Variants in VPS13C observed in about 807,000 individuals in gnomAD.
VPS13C encodes intermembrane lipid transfer protein VPS13C.
In VPS13C, 358 loss-of-function variants were observed where a neutral mutation model predicts 456.8. That is an observed-to-expected ratio of 0.78 (90% CI 0.72 to 0.86). VPS13C has a LOEUF of 0.86. Among genes scored for constraint, VPS13C ranks in the 40% least tolerant of loss-of-function variants. The pLI, the probability that VPS13C is intolerant of heterozygous loss-of-function variation, is 0.00. For synonymous variants in VPS13C, 1,578 were observed against 1,486.7 expected, an observed-to-expected ratio of 1.06 and a Z score of -1.41; for missense variants, 4,818 against 4,385.4, an observed-to-expected ratio of 1.10 and a Z score of -2.79.
chr15:61,854,827 ATT>A, intron 84 of VPS13C, 42 bp downstream of exon 84: 1 of 1,538,100 alleles, frequency 6.5e-7, no homozygotes, highest in African/African-American at 1.4e-5. Context: ...TTAAAAAAGT[ATT>A]TCAGCTAAAA....
chr15:61,969,283 T>C lies in VPS13C; in HGVS notation c.2911+16A>G. 6.5e-7 allele frequency: 1 copy of C among 1,549,548 alleles called. No homozygotes were observed. Among genetic ancestry groups the C allele is most frequent in the East Asian group, 2.3e-5 (1 of 44,084 alleles). On this transcript the variant is annotated intron_variant, in intron 28 of 84. Coordinates refer to ENST00000644861, the MANE Select transcript of VPS13C (RefSeq NM_020821.3). Reference sequence around the variant, plus strand: ...TCTTTATTATAGGCTATTATTTCTATTTTTATGGGTATTACCTTCAATTTC... The same window carrying C: ...TCTTTATTATAGGCTATTATTTCTACTTTTATGGGTATTACCTTCAATTTC...
chr15:61,997,710 G>A (rs1184581510), intron 16 of VPS13C, among the ~76,000 whole-genome samples: 1 of 152,050 alleles, frequency 6.6e-6, no homozygotes, highest in African/African-American at 2.4e-5. Flanking sequence ...AATACTGGCT[G>A]TACCCTCAAA....
At chr15:61,925,026 A>G (rs753698525) in intron 53 of VPS13C, among the ~76,000 whole-genome samples, 86 of 152,326 alleles carry the variant, frequency 5.6e-4, no homozygotes, top group Non-Finnish European at 5.1e-4. Flanking sequence ...TGTCATTATA[A>G]ATATTTGAAG....
chr15:61,936,590 T>G lies in VPS13C; in HGVS notation c.5755+7A>C, dbSNP rs1461915282. 1 of 1,539,582 alleles carries G rather than the reference T, an allele frequency of 6.5e-7. No individual in the cohort carries two copies. Among genetic ancestry groups the G allele is most frequent in the African/African-American group, 1.4e-5 (1 of 71,640 alleles). Reference sequence around the variant, plus strand: ...TTCTCCATAAAGTAAATATCATCAATTTATACCTTTGAGATGGTCAGGTAC... The same window carrying G: ...TTCTCCATAAAGTAAATATCATCAAGTTATACCTTTGAGATGGTCAGGTAC... On this transcript the variant is annotated splice_region_variant and intron_variant, in intron 48 of 84. Transcript: ENST00000644861.
chr15:61,873,959 T>TACACACACACACACACACAC (rs67985179), intron 77 of VPS13C, among the ~76,000 whole-genome samples: 1 of 149,732 alleles, frequency 6.7e-6, no homozygotes, highest in African/African-American at 2.5e-5. Context: ...GAAAATGTGA[T>TACACACACACACACACACAC]ACACACACAC....
chr15:62,012,515 G>T (rs1360933950), intron 11 of VPS13C, among the ~76,000 whole-genome samples: 1 of 151,824 alleles, frequency 6.6e-6, no homozygotes, highest in South Asian at 2.1e-4. Context: ...AGAAATCAGA[G>T]ATAGAAGATT....
In VPS13C at chr15:62,033,533, T is replaced by C; in HGVS notation, c.293A>G (p.Tyr98Cys). 1 of 1,590,686 alleles carries C rather than the reference T, an allele frequency of 6.3e-7. No homozygotes were observed. The highest frequency in any genetic ancestry group is 8.6e-7 in the Non-Finnish European group (1 of 1,166,302). Residue 98 changes from tyrosine (Y) to cysteine (C), a missense_variant, in exon 5 of 85, where the codon TAT becomes TGT. Around this residue, in one of 3 missense-constraint regions of VPS13C, gnomAD observed 4,552 missense variants for 4,130.6 expected, o/e 1.10. Coordinates refer to ENST00000644861, the MANE Select transcript of VPS13C (RefSeq NM_020821.3). Reference protein sequence around the residue: ...LLVVPGASIKYDAVKEEKSLQ... With the variant: ...LLVVPGASIKCDAVKEEKSLQ... The stretch of plus-strand genomic sequence containing the variant: ...GGATTTTTCTTCTTTTACAGCATCA[T>C]ACTTAATACCTAAAAATATACAGTC...
intron 67 of VPS13C, among the ~76,000 whole-genome samples, chr15:61,888,851 A>G (rs556971914): frequency 8.6e-4 from 131 of 152,290 alleles, no homozygotes; most frequent in African/African-American, 2.5e-3. Flanking sequence ...TGTTAGATAT[A>G]GAAGTTAGAT....
intron 76 of VPS13C, among the ~76,000 whole-genome samples, chr15:61,875,268 A>G (rs1419596596): frequency 6.6e-6 from 1 of 152,098 alleles, no homozygotes; most frequent in African/African-American, 2.4e-5. Flanking sequence ...CAGTGATAAC[A>G]AGAGTAAGAG....
chr15:61,936,405 A>G (rs2044226854), intron 48 of VPS13C, among the ~76,000 whole-genome samples, 192 bp downstream of exon 48: 1 of 152,214 alleles, frequency 6.6e-6, no homozygotes, highest in Non-Finnish European at 1.5e-5. Flanking sequence ...GCACCATGCC[A>G]ACAACAAGTG....
At chr15:61,909,228 G>A (rs572515481) in intron 64 of VPS13C, 103 bp from the exon 65 acceptor site, 178 of 1,429,354 alleles carry the variant, frequency 1.2e-4, no homozygotes, top group East Asian at 1.9e-4. Context: ...GGTTTTTTTC[G>A]AGACAGAGTC....
chr15:61,986,102 C>A (rs1291749349), intron 18 of VPS13C, among the ~76,000 whole-genome samples: 1 of 151,180 alleles, frequency 6.6e-6, no homozygotes, highest in East Asian at 1.9e-4. Context: ...CACTCTCACA[C>A]ATACACATAC....
In VPS13C at chr15:62,008,771, C is replaced by A; in HGVS notation, c.1012-10G>T. On this transcript the variant is annotated splice_polypyrimidine_tract_variant and intron_variant, in intron 13 of 84. Coordinates refer to ENST00000644861, the MANE Select transcript of VPS13C (RefSeq NM_020821.3). ...CAATCATACTTAAGTACTGTTAAAA[C>A]AAAAATAAAATTATATTTATTACAC... 2.0e-6 allele frequency: 3 copies of A among 1,484,140 alleles called. No homozygotes were observed. Among genetic ancestry groups the A allele is most frequent in the Non-Finnish European group, 1.8e-6 (2 of 1,095,586 alleles). The allele number at this position is 1,484,140 out of a possible 1,614,324, so 91.9% of individuals were successfully genotyped here.
intron 10 of VPS13C, among the ~76,000 whole-genome samples, chr15:62,013,321 C>T (rs1335588961): frequency 6.6e-6 from 1 of 151,854 alleles, no homozygotes; most frequent in African/African-American, 2.4e-5. Flanking sequence ...TGCTAAATTG[C>T]ACTTTCAAGA....
rs2044240289 is a variant in VPS13C at position 61,936,758 on chromosome 15, C to A, written c.5602-8G>T. 1.9e-6 allele frequency: 3 copies of A among 1,594,826 alleles called. No individual in the cohort carries two copies. In the East Asian group the frequency reaches 6.7e-5, roughly 36 times the overall value. On this transcript the variant is annotated splice_polypyrimidine_tract_variant and splice_region_variant and intron_variant, in intron 47 of 84. Transcript: ENST00000644861. The stretch of plus-strand genomic sequence containing the variant: ...ATCTTCACTGAGAGCAACCTAGAAA[C>A]CACCAATAATTTGTTAACTCTAAGT...
chr15:61,858,535 G>A lies in VPS13C; in HGVS notation c.10953-2126C>T, dbSNP rs1049841070. On this transcript the variant is annotated intron_variant, in intron 82 of 84. Coordinates refer to ENST00000644861, the MANE Select transcript of VPS13C (RefSeq NM_020821.3). This position sits in a 1 kb window ranked among gnomAD's most constrained non-coding sequence, Gnocchi z 4.4. ...ACAGAATTCTAAGACAAGTCTCCAA[G>A]ATTCCCCAACCCTGGTATATATCTC... is the stretch of plus-strand genomic sequence containing the variant. Among the ~76,000 whole-genome samples the A allele has an allele frequency of 6.6e-6, 1 of 152,096 alleles. No individual in the cohort carries two copies. Among genetic ancestry groups the A allele is most frequent in the African/African-American group, 2.4e-5 (1 of 41,426 alleles).
chr15:61,951,805 G>T lies in VPS13C; in HGVS notation c.4456+19C>A. 1 of 1,598,462 alleles carries T rather than the reference G, an allele frequency of 6.3e-7. No homozygotes were observed. Among genetic ancestry groups the T allele is most frequent in the Non-Finnish European group, 8.5e-7 (1 of 1,171,912 alleles). On this transcript the variant is annotated intron_variant, in intron 39 of 84. Coordinates refer to ENST00000644861, the MANE Select transcript of VPS13C (RefSeq NM_020821.3). ...ATCTGCCTAATGAATAATTTACACA[G>T]ACAATATTTCACACTTACCAGTGAA...
intron 5 of VPS13C, among the ~76,000 whole-genome samples, chr15:62,031,291 C>G (rs1467556517): frequency 6.6e-6 from 1 of 151,998 alleles, no homozygotes; most frequent in Non-Finnish European, 1.5e-5. Flanking sequence ...CATCTCCTCT[C>G]CTTCCCTCTC....
At position 61,854,449 on chromosome 15, in the gene VPS13C, G is replaced by T. The variant is rs749035324; in HGVS notation, c.*8C>A. On this transcript the variant is annotated 3_prime_UTR_variant, in exon 85 of 85. Coordinates refer to ENST00000644861, the MANE Select transcript of VPS13C (RefSeq NM_020821.3). ...TTTTCTCCCTGTTGGAGCCCCTGAG[G>T]TCTGTGATTAAGATGGCAATTGGGG... 3.1e-6 allele frequency: 5 copies of T among 1,612,824 alleles called. No homozygotes were observed. Among genetic ancestry groups the T allele is most frequent in the Non-Finnish European group, 4.2e-6 (5 of 1,178,836 alleles).
Sources: gnomAD v4.1 joint callset for allele counts (sites outside exome capture counted in the v4.1 genomes callset) on GRCh38, gnomAD v4.1.1 for gene constraint, gnomAD v4.1.1 regional missense constraint, Gnocchi (gnomAD v3.1) non-coding constraint, MANE v1.5 for transcripts, NCBI Gene and HGNC (gene_info 2026-07-23, HGNC 2026-07-21) for gene names.